LILRA2: variants seen among roughly 807,000 people sequenced by gnomAD.
The protein encoded by LILRA2 is leukocyte immunoglobulin like receptor A2.
LILRA2 carries 45 observed loss-of-function variants against 47.9 expected under a neutral mutation model. The ratio of observed to expected loss-of-function variants is 0.94; its 90% CI spans 0.74 to 1.20. The LOEUF (loss-of-function observed/expected upper bound fraction) is 1.20, where lower values mean the gene tolerates loss of function less well. Among genes scored for constraint, LILRA2 ranks in the 50% most tolerant of loss-of-function variants. LILRA2 has a pLI of 0.00. For synonymous variants in LILRA2, 279 were observed against 249.2 expected (o/e 1.12, Z -1.13); for missense variants, 651 against 598.2 (o/e 1.09, Z -0.92).
upstream of LILRA2, chr19:54,573,280 G>C: frequency 2.0e-6 from 1 of 498,734 alleles, no homozygotes; most frequent in Non-Finnish European, 3.7e-6. Context: ...CACCATGGTA[G>C]ACCCTGCATT....
rs1478826684 is a variant in LILRA2 at position 54,590,282 on chromosome 19, C to T, written c.*2936C>T. The T allele has an allele frequency of 6.6e-6, 1 of 152,128 alleles. No homozygotes were observed. Among genetic ancestry groups the T allele is most frequent in the Non-Finnish European group, 1.5e-5 (1 of 68,036 alleles). 9.4% of individuals were successfully genotyped at this position (152,128 alleles called of 1,614,324 possible). On this transcript the variant is annotated 3_prime_UTR_variant, in exon 8 of 8. Coordinates refer to ENST00000391738, the MANE Select transcript of LILRA2 (RefSeq NM_001130917.3). ...AATGAAAAATTTAATAAATATTCTA[C>T]ACCAATACAATGTTTATCATTTCAG... is the stretch of plus-strand genomic sequence containing the variant.
At position 54,585,908 on chromosome 19, in the gene LILRA2, C is replaced by A. The variant is rs1201191520; in HGVS notation, c.1256-1102C>A. On this transcript the variant is annotated intron_variant, in intron 6 of 7. Coordinates refer to ENST00000391738, the MANE Select transcript of LILRA2 (RefSeq NM_001130917.3). ...TATTCGACCATCTTGGAAGCGACAC[C>A]TATATTTTTTTTAAAGAAGGATAGG... Among the ~76,000 whole-genome samples the A allele has an allele frequency of 2.0e-5, 3 of 152,126 alleles. No individual in the cohort carries two copies. The East Asian group carries it at 5.8e-4, about 29-fold the overall frequency.
chr19:54,578,693 G>A (rs373145354), intron 6 of LILRA2, among the ~76,000 whole-genome samples: 26 of 152,298 alleles, frequency 1.7e-4, no homozygotes, highest in Admixed American at 1.2e-3. Context: ...TTGAGGAATC[G>A]TCACACTGTC....
intron 6 of LILRA2, among the ~76,000 whole-genome samples, chr19:54,586,267 G>T (rs1192544726): frequency 1.3e-5 from 2 of 152,028 alleles, no homozygotes; most frequent in Non-Finnish European, 2.9e-5. Flanking sequence ...GACATGACAG[G>T]TCTTTACAGG....
chr19:54,580,090 A>G (rs1600223789), intron 6 of LILRA2, among the ~76,000 whole-genome samples: 1 of 152,092 alleles, frequency 6.6e-6, no homozygotes. Context: ...CTAATTGAAT[A>G]CACTTTATTT....
Position 54,576,074 on chromosome 19 carries a change from C to G in LILRA2, c.1220C>G (p.Ser407Cys). 6.2e-7 allele frequency: 1 copy of G among 1,614,196 alleles called. No homozygotes were observed. Among genetic ancestry groups the G allele is most frequent in the East Asian group, 2.2e-5 (1 of 44,874 alleles). The change falls in exon 6 of 8, where the codon TCT becomes TGT. Residue 407 changes from serine (S) to cysteine (C), a missense_variant. Physicochemically the swap from Ser to Cys is moderately radical, Grantham distance 112. Transcript: ENST00000391738. ...SSLSSNPYLL[S>C]LPSDPLELVV... Reference sequence around the variant, plus strand: ...CTCAGCTCCAACCCCTACCTGCTGTCTCTCCCCAGTGACCCCCTGGAGCTC... The same window carrying G: ...CTCAGCTCCAACCCCTACCTGCTGTGTCTCCCCAGTGACCCCCTGGAGCTC...
At chr19:54,583,010 A>G (rs959149303) in intron 6 of LILRA2, among the ~76,000 whole-genome samples, 1 of 152,098 alleles carries the variant, frequency 6.6e-6, no homozygotes, top group Non-Finnish European at 1.5e-5. Flanking sequence ...GAACATCTTT[A>G]TTTCTGCCTT....
At chr19:54,581,666 G>C (rs1175934140) in intron 6 of LILRA2, among the ~76,000 whole-genome samples, 1 of 151,572 alleles carries the variant, frequency 6.6e-6, no homozygotes, top group Non-Finnish European at 1.5e-5. Flanking sequence ...AAATAAAAGA[G>C]GACACAAACA....
chr19:54,574,622 C>G (rs374394967), intron 3 of LILRA2, 40 bp downstream of exon 3: 1 of 1,608,950 alleles, frequency 6.2e-7, no homozygotes, highest in African/African-American at 1.3e-5. Flanking sequence ...AGGCTCTGCC[C>G]TCAGGAAGGG....
Position 54,589,686 on chromosome 19 carries a change from T to A in LILRA2, c.*2340T>A, listed in dbSNP as rs115602566. 1 of 152,046 alleles carries A rather than the reference T, an allele frequency of 6.6e-6. No homozygotes were observed. Among genetic ancestry groups the A allele is most frequent in the African/African-American group, 2.4e-5 (1 of 41,576 alleles). The allele number at this position is 152,046 out of a possible 1,614,324, so 9.4% of individuals were successfully genotyped here. On this transcript the variant is annotated 3_prime_UTR_variant, in exon 8 of 8. Coordinates refer to ENST00000391738, the MANE Select transcript of LILRA2 (RefSeq NM_001130917.3). ...CCTAGACTAATACACTCACCCCGTC[T>A]CCTTGTTCGGAGGCTCTCCTGCCTA... is the stretch of plus-strand genomic sequence containing the variant.
chr19:54,574,479 C>T lies in LILRA2; in HGVS notation c.249C>T (p.Pro83=), dbSNP rs762751961. ...AGCCTGGGAAGAATGGCCAGTTCCC[C>T]ATCCCATCCATCACCTGGGAACACG... ...IQEPGKNGQF[P]IPSITWEHAG... is the part of the protein sequence containing the mutation. Residue 83 remains proline, a synonymous_variant, in exon 3 of 8, where the codon CCC becomes CCT. Transcript: ENST00000391738. The T allele has an allele frequency of 1.9e-6, 3 of 1,614,116 alleles. No individual in the cohort carries two copies. Among genetic ancestry groups the T allele is most frequent in the Non-Finnish European group, 2.5e-6 (3 of 1,179,982 alleles).
chr19:54,578,409 A>C (rs905590970), intron 6 of LILRA2, among the ~76,000 whole-genome samples: 19 of 151,922 alleles, frequency 1.3e-4, no homozygotes, highest in Non-Finnish European at 2.4e-4. Flanking sequence ...CAGTTTGCTG[A>C]GTGATGGTTT....
upstream of LILRA2, chr19:54,573,131 G>A (rs2062193411): frequency 1.2e-5 from 3 of 251,484 alleles, no homozygotes; most frequent in Non-Finnish European, 2.4e-5. Context: ...CTAGAGATGT[G>A]AGCTGCCATG....
chr19:54,579,137 C>G (rs2062566729), intron 6 of LILRA2, among the ~76,000 whole-genome samples: 1 of 152,110 alleles, frequency 6.6e-6, no homozygotes, highest in Non-Finnish European at 1.5e-5. Context: ...TCTATTTTGG[C>G]TTTTGGTGCC....
rs200956598 is a variant in LILRA2, at chr19:54,575,900, A to C, written c.1046A>C (p.Gln349Pro). 8.8e-5 allele frequency: 141 copies of C among 1,609,500 alleles called. No individual in the cohort carries two copies. Among genetic ancestry groups the C allele is most frequent in the Non-Finnish European group, 1.8e-5 (21 of 1,175,844 alleles). The change falls in exon 6 of 8, where the codon CAG (glutamine) becomes CCG (proline). Residue 349 changes from glutamine (Q) to proline (P), a missense_variant. Gln to Pro is a moderately conservative substitution (Grantham distance 76). Coordinates refer to ENST00000391738, the MANE Select transcript of LILRA2 (RefSeq NM_001130917.3). Reference sequence around the variant, plus strand: ...ACCCTGCTGTGTCAGTCACGGGGGCAGTTCCACACTTTCCTTCTGACCAAG... The same window carrying C: ...ACCCTGCTGTGTCAGTCACGGGGGCCGTTCCACACTTTCCTTCTGACCAAG... ...NVTLLCQSRG[Q>P]FHTFLLTKEG...
chr19:54,587,229 C>T lies in LILRA2; in HGVS notation c.1335C>T (p.Tyr445=), dbSNP rs771765547. Residue 445 remains tyrosine (Y), a synonymous_variant, in exon 8 of 8, where the codon TAC becomes TAT. Coordinates refer to ENST00000391738, the MANE Select transcript of LILRA2 (RefSeq NM_001130917.3). ...CCCTAGGCCAACACCCCCAGGATTACACAGTGGAGAATCTCATCCGCATGG... is the reference window on the plus strand; with the variant it reads ...CCCTAGGCCAACACCCCCAGGATTATACAGTGGAGAATCTCATCCGCATGG... ...TTSLGQHPQD[Y]TVENLIRMGV... is the part of the protein sequence containing the mutation. 2 of 1,614,110 alleles carry T rather than the reference C, an allele frequency of 1.2e-6. No homozygotes were observed.
Position 54,575,047 on chromosome 19 carries a change from A to G in LILRA2, c.655+14A>G, listed in dbSNP as rs748725622. On this transcript the variant is annotated intron_variant, in intron 4 of 7. Transcript: ENST00000391738. ...TCCTGGTCCCAGGTGAGAAATTCAC[A>G]GAATTGCTTGGAGTTCCCTGAGTCT... The G allele has an allele frequency of 6.2e-7, 1 of 1,609,520 alleles. No homozygotes were observed. The highest frequency in any genetic ancestry group is 8.5e-7 in the Non-Finnish European group (1 of 1,177,230).
Position 54,575,365 on chromosome 19 carries a change from G to A in LILRA2, c.765G>A (p.Leu255=), listed in dbSNP as rs754911853. ...ATGTCGGCTACGACAGATTTGTTCT[G>A]TATAAGGAGGGAGAACGTGACTTCC... ...VSDVGYDRFV[L]YKEGERDFLQ... The change falls in exon 5 of 8, where the codon CTG becomes CTA. Residue 255 remains leucine, a synonymous_variant. Coordinates refer to ENST00000391738, the MANE Select transcript of LILRA2 (RefSeq NM_001130917.3). The A allele has an allele frequency of 1.4e-5, 23 of 1,614,014 alleles. No homozygotes were observed. Among genetic ancestry groups the A allele is most frequent in the African/African-American group, 2.7e-5 (2 of 74,904 alleles).
chr19:54,576,489 C>G (rs1489388310), intron 6 of LILRA2, among the ~76,000 whole-genome samples: 1 of 152,272 alleles, frequency 6.6e-6, no homozygotes, highest in Non-Finnish European at 1.5e-5. Flanking sequence ...CAGCCACTCC[C>G]AGCTCAAGAG....
Sources: gnomAD v4.1 joint callset for allele counts (sites outside exome capture counted in the v4.1 genomes callset) on GRCh38, gnomAD v4.1.1 for gene constraint, MANE v1.5 for transcripts, NCBI Gene and HGNC (gene_info 2026-07-23, HGNC 2026-07-21) for gene names.